GALNT13: variants seen among roughly 807,000 people sequenced by gnomAD.
The protein encoded by GALNT13 is polypeptide N-acetylgalactosaminyltransferase 13, also known as UDP-GalNAc:polypeptide N-acetylgalactosaminyltransferase 13.
GALNT13 carries 28 observed loss-of-function variants against 64.2 expected under a neutral mutation model. That is an observed-to-expected ratio of 0.44 (90% confidence interval 0.32 to 0.60). The LOEUF (loss-of-function observed/expected upper bound fraction) is 0.60. GALNT13 is among the 20% of genes least tolerant of loss of function. GALNT13 has a pLI of 0.05. For missense variants in GALNT13, 577 were observed against 669.8 expected, an observed-to-expected ratio of 0.86 and a Z score of 1.53; for synonymous variants, 214 against 224.6, an observed-to-expected ratio of 0.95 and a Z score of 0.42.
chr2:153,965,351 C>A (rs1693258497), intron 3 of GALNT13, among the ~76,000 whole-genome samples: 2 of 152,156 alleles, frequency 1.3e-5, no homozygotes, highest in African/African-American at 4.8e-5. Flanking sequence ...ACCCCTACCA[C>A]ATTACCCTTC....
the GALNT13 span, among the ~76,000 whole-genome samples, chr2:153,686,429 C>T: frequency 6.6e-6 from 1 of 151,486 alleles, no homozygotes; most frequent in African/African-American, 2.4e-5. Context: ...TAGTTCATTC[C>T]CGATTTGGCT....
the GALNT13 span, among the ~76,000 whole-genome samples, chr2:153,371,938 T>C: frequency 2.7e-4 from 41 of 152,308 alleles, no homozygotes; most frequent in African/African-American, 9.6e-4. Context: ...CTTGGAATGA[T>C]AGAGCAGTGC....
At chr2:153,249,245 G>A in the GALNT13 span, among the ~76,000 whole-genome samples, 50 of 151,694 alleles carry the variant, frequency 3.3e-4, no homozygotes, top group African/African-American at 1.1e-3. Context: ...AATAGACAGA[G>A]AGCCAAATCA....
At chr2:153,782,141 T>C in the GALNT13 span, among the ~76,000 whole-genome samples, 1 of 152,194 alleles carries the variant, frequency 6.6e-6, no homozygotes, top group East Asian at 1.9e-4. Context: ...GCTGAGTATT[T>C]ACTGAGGTAC....
chr2:153,226,983 T>C, the GALNT13 span, among the ~76,000 whole-genome samples: 1 of 152,204 alleles, frequency 6.6e-6, no homozygotes. Context: ...AAAATAAGTA[T>C]GAACAGAGGT....
the GALNT13 span, among the ~76,000 whole-genome samples, chr2:153,429,710 T>A: frequency 6.6e-6 from 1 of 152,128 alleles, no homozygotes. Flanking sequence ...TATTTCGAAG[T>A]ACAAAATTTA....
the GALNT13 span, among the ~76,000 whole-genome samples, chr2:153,172,620 G>A: frequency 4.6e-5 from 7 of 152,286 alleles, no homozygotes; most frequent in African/African-American, 1.4e-4. Context: ...TCCTTAGCCA[G>A]TTGATAGCCA....
the GALNT13 span, among the ~76,000 whole-genome samples, chr2:153,696,717 G>C: frequency 6.6e-6 from 1 of 152,142 alleles, no homozygotes; most frequent in Non-Finnish European, 1.5e-5. Context: ...ATGGATAACT[G>C]AAACTGCAGA....
intron 11 of GALNT13, among the ~76,000 whole-genome samples, chr2:154,409,663 GC>G (rs2105394166): frequency 1.3e-5 from 2 of 152,032 alleles, no homozygotes; most frequent in African/African-American, 4.8e-5. Context: ...TCAGGACAGA[GC>G]TATTTTACTG....
the GALNT13 span, among the ~76,000 whole-genome samples, chr2:153,456,927 T>C: frequency 1.3e-5 from 2 of 152,190 alleles, no homozygotes; most frequent in African/African-American, 4.8e-5. Context: ...TTGTAAGGCA[T>C]CAAACAGGAA....
At chr2:153,615,094 T>C in the GALNT13 span, among the ~76,000 whole-genome samples, 1 of 152,124 alleles carries the variant, frequency 6.6e-6, no homozygotes, top group Non-Finnish European at 1.5e-5. Flanking sequence ...GTTGTTTTGA[T>C]TCCTAGAACC....
chr2:153,587,281 A>T, the GALNT13 span, among the ~76,000 whole-genome samples: 1 of 152,024 alleles, frequency 6.6e-6, no homozygotes, highest in Non-Finnish European at 1.5e-5. Flanking sequence ...AATAAATAAA[A>T]TGGGGACAAA....
At chr2:153,289,106 GT>G in the GALNT13 span, among the ~76,000 whole-genome samples, 1 of 152,010 alleles carries the variant, frequency 6.6e-6, no homozygotes, top group South Asian at 2.1e-4. Flanking sequence ...GTTCATTTTT[GT>G]AATTAAAAAT....
intron 8 of GALNT13, among the ~76,000 whole-genome samples, chr2:154,269,930 A>ATATATGTGTATATATATATAT (rs1553506263): frequency 4.9e-5 from 7 of 142,896 alleles, no homozygotes; most frequent in Admixed American, 7.1e-5. Flanking sequence ...ATATATTTCT[A>ATATATGTGTATATATATATAT]AAGCACAGGG....
chr2:153,976,501 G>T (rs1333765992), intron 3 of GALNT13, among the ~76,000 whole-genome samples: 1 of 151,992 alleles, frequency 6.6e-6, no homozygotes, highest in Admixed American at 6.6e-5. Context: ...AGCCAATTAG[G>T]TATTAGTTTA....
At chr2:153,503,101 T>A in the GALNT13 span, among the ~76,000 whole-genome samples, 1 of 152,226 alleles carries the variant, frequency 6.6e-6, no homozygotes, top group African/African-American at 2.4e-5. Flanking sequence ...CATCTATTTA[T>A]CTTTGTTTTC....
chr2:153,374,238 A>C, the GALNT13 span, among the ~76,000 whole-genome samples: 2 of 152,198 alleles, frequency 1.3e-5, no homozygotes, highest in African/African-American at 4.8e-5. Flanking sequence ...CTATTTCTTC[A>C]CATTCTTGCC....
At chr2:153,877,121 A>G (rs7595628) in intron 1 of GALNT13, among the ~76,000 whole-genome samples, 37,086 of 152,020 alleles carry the variant, frequency 0.24, 4,817 homozygotes, top group Non-Finnish European at 0.28. Context: ...ATATGAACAT[A>G]TTTGTTATCA....
intron 1 of GALNT13, among the ~76,000 whole-genome samples, chr2:153,875,552 T>C (rs1249178651): frequency 6.6e-6 from 1 of 152,132 alleles, no homozygotes; most frequent in Non-Finnish European, 1.5e-5. Flanking sequence ...CTAGAAATAG[T>C]AGTTGTAACA....
Sources: allele counts gnomAD v4.1 joint callset (sites outside exome capture counted in the v4.1 genomes callset), GRCh38; gene constraint gnomAD v4.1.1; transcripts MANE v1.5; gene names NCBI Gene and HGNC (gene_info 2026-07-23, HGNC 2026-07-21).